Variants in RALGPS1 observed in about 807,000 individuals in gnomAD.
RALGPS1 encodes Ral GEF with PH domain and SH3 binding motif 1.
In RALGPS1, 19 loss-of-function variants were observed where a neutral mutation model predicts 78.8. That is an observed-to-expected ratio of 0.24 (90% CI 0.17 to 0.35). The LOEUF (loss-of-function observed/expected upper bound fraction) is 0.35, where lower values mean the gene tolerates loss of function less well. Ranked by LOEUF, RALGPS1 falls within the 10% of genes least tolerant of loss-of-function variation. The pLI, the probability that RALGPS1 is intolerant of heterozygous loss-of-function variation, is 1.00. For missense variants in RALGPS1, 454 were observed against 688.3 expected, an observed-to-expected ratio of 0.66 and a Z score of 3.81; for synonymous variants, 228 against 256.3, an observed-to-expected ratio of 0.89 and a Z score of 1.06.
At chr9:126,925,992 T>A (rs553942638) in intron 1 of RALGPS1, among the ~76,000 whole-genome samples, 3 of 152,340 alleles carry the variant, frequency 2.0e-5, no homozygotes, top group African/African-American at 7.2e-5. Flanking sequence ...CATGTTCTGG[T>A]CATGGCCTTG....
chr9:127,107,260 AG>A (rs2054307532), intron 8 of RALGPS1, among the ~76,000 whole-genome samples: 1 of 152,240 alleles, frequency 6.6e-6, no homozygotes, highest in Admixed American at 6.5e-5. Context: ...GTCCGGTGCC[AG>A]TATCTTGGTT....
chr9:126,921,307 C>T (rs983746862), intron 1 of RALGPS1, among the ~76,000 whole-genome samples: 2 of 152,212 alleles, frequency 1.3e-5, no homozygotes, highest in East Asian at 3.8e-4. Context: ...TATTATGGCT[C>T]CAGGGCTATA....
intron 8 of RALGPS1, chr9:127,108,449 C>T: frequency 6.2e-7 from 1 of 1,611,010 alleles, no homozygotes; most frequent in Non-Finnish European, 8.5e-7. Context: ...TTGAGCAGCT[C>T]ATTGTTGAGC....
chr9:126,964,952 C>T (rs558463312), intron 2 of RALGPS1, among the ~76,000 whole-genome samples: 59 of 152,320 alleles, frequency 3.9e-4, no homozygotes, highest in African/African-American at 1.3e-3. Context: ...AATCCTTCTT[C>T]GTGAGCTGAG....
chr9:126,955,066 TA>T (rs1454456487), intron 1 of RALGPS1, among the ~76,000 whole-genome samples: 1 of 152,240 alleles, frequency 6.6e-6, no homozygotes, highest in Non-Finnish European at 1.5e-5. Context: ...GCCTCCTTCC[TA>T]AGGTTTCAGC....
At chr9:126,987,884 C>T (rs915731537) in intron 4 of RALGPS1, among the ~76,000 whole-genome samples, 6 of 152,080 alleles carry the variant, frequency 3.9e-5, no homozygotes, top group African/African-American at 7.2e-5. Context: ...AGGGGTGGGG[C>T]GCTAGCGTAT....
At position 127,166,533 on chromosome 9, in the gene RALGPS1, C is replaced by G. The variant is rs578193382; in HGVS notation, c.748+327C>G. On this transcript the variant is annotated intron_variant, in intron 9 of 18. Transcript: ENST00000259351. ...CATTCATGAAGAGCTTTCTGGGCAG[C>G]TCTCCTCCAAGCAGATTCGGGGACC... Among the ~76,000 whole-genome samples, 8 of 152,246 alleles carry G rather than the reference C, an allele frequency of 5.3e-5. No individual in the cohort carries two copies. The East Asian group carries it at 1.5e-3, about 29-fold the overall frequency.
intron 4 of RALGPS1, among the ~76,000 whole-genome samples, chr9:126,980,769 GCCCTGACCCTAGAGCTCAAGCTCTC>G (rs2041174135): frequency 6.6e-6 from 1 of 152,210 alleles, no homozygotes. Flanking sequence ...GCCTGTCTGA[GCCCTGACCCTAGAGCTCAAGCTCTC>G]AGCCCCTGTT....
intron 4 of RALGPS1, among the ~76,000 whole-genome samples, chr9:127,011,170 AC>A (rs928073137): frequency 6.8e-6 from 1 of 147,142 alleles, no homozygotes; most frequent in African/African-American, 2.5e-5. Context: ...AGAGCCCACC[AC>A]CCCCCAGCCC....
Position 127,199,520 on chromosome 9 carries a change from GCCTCTGCCTCCCTCGAGGATC to G in RALGPS1, c.1247+521_1247+541del, listed in dbSNP as rs71377989. On this transcript the variant is annotated intron_variant, in intron 14 of 18. Coordinates refer to ENST00000259351, the MANE Select transcript of RALGPS1 (RefSeq NM_014636.3). ...CACTGGTGACAGGGAAGTGGCCATA[GCCTCTGCCTCCCTCGAGGATC>G]CCTCTGCCTCCCTCGAGGATCCCTC... Among the ~76,000 whole-genome samples, 979 of 93,536 alleles carry G rather than the reference GCCTCTGCCTCCCTCGAGGATC, an allele frequency of 0.01. 24 individuals are homozygous for G. The East Asian group carries it at 0.12, about 11-fold the overall frequency. 61.4% of individuals were successfully genotyped at this position (93,536 alleles called of 152,430 possible). A position where few individuals can be genotyped will look rare whatever the true frequency, so the allele number is the denominator to read the frequency against.
chr9:126,941,792 A>G (rs760643196), intron 1 of RALGPS1, among the ~76,000 whole-genome samples: 18 of 152,178 alleles, frequency 1.2e-4, no homozygotes, highest in Non-Finnish European at 2.5e-4. Context: ...CTTTTTATCT[A>G]CCACTTAGTA....
At chr9:126,948,743 C>T (rs2037516344) in intron 1 of RALGPS1, among the ~76,000 whole-genome samples, 1 of 151,946 alleles carries the variant, frequency 6.6e-6, no homozygotes, top group Non-Finnish European at 1.5e-5. Flanking sequence ...GCTCCGTAAA[C>T]ATAGGCGCTT....
intron 11 of RALGPS1, among the ~76,000 whole-genome samples, chr9:127,187,425 GC>G (rs1291503989): frequency 2.6e-5 from 4 of 152,246 alleles, no homozygotes; most frequent in Non-Finnish European, 1.5e-5. Flanking sequence ...CCTGCCTCCA[GC>G]GTGCAGTAGC....
intron 4 of RALGPS1, among the ~76,000 whole-genome samples, chr9:127,000,018 T>G (rs1245817352): frequency 6.6e-6 from 1 of 152,212 alleles, no homozygotes; most frequent in African/African-American, 2.4e-5. Flanking sequence ...TATTCCCTTT[T>G]TATTCTTTTA....
rs747249739 is a variant in RALGPS1 at position 127,212,667 on chromosome 9, C to T, written c.1394C>T (p.Ser465Phe). ...AGGTACTGGGTCATACTCTCAGGAT[C>T]CACCCTCCTGTACTACGGAGCCAAG... is the stretch of plus-strand genomic sequence containing the variant. ...WTRYWVILSG[S>F]TLLYYGAKSL... The change falls in exon 16 of 19, where the codon TCC becomes TTC. Residue 465 changes from serine to phenylalanine, a missense_variant. Transcript: ENST00000259351. The surrounding 1 kb of genome is among the most constrained non-coding windows in gnomAD (Gnocchi z 6.0). 9 of 1,613,350 alleles carry T rather than the reference C, an allele frequency of 5.6e-6. No individual in the cohort carries two copies. The highest frequency in any genetic ancestry group is 6.8e-6 in the Non-Finnish European group (8 of 1,179,636).
intron 1 of RALGPS1, among the ~76,000 whole-genome samples, chr9:126,951,769 A>C (rs1179374824): frequency 6.6e-6 from 1 of 152,248 alleles, no homozygotes; most frequent in Non-Finnish European, 1.5e-5. Context: ...CAAGACAGTG[A>C]TGCCCTCTCT....
intron 3 of RALGPS1, among the ~76,000 whole-genome samples, chr9:126,977,216 C>A (rs1426115227): frequency 6.6e-6 from 1 of 152,128 alleles, no homozygotes; most frequent in Non-Finnish European, 1.5e-5. Context: ...AATTTAGGGG[C>A]AGTATCAATG....
At chr9:127,182,041 A>G (rs891630886) in intron 11 of RALGPS1, among the ~76,000 whole-genome samples, 2 of 151,716 alleles carry the variant, frequency 1.3e-5, no homozygotes, top group African/African-American at 2.4e-5. Context: ...TCCCCTGCAG[A>G]TCTCATGTTT....
chr9:126,983,601 A>G (rs1283834373), intron 4 of RALGPS1, among the ~76,000 whole-genome samples: 2 of 152,164 alleles, frequency 1.3e-5, no homozygotes, highest in South Asian at 2.1e-4. Context: ...AACAAAACCC[A>G]CTAATAGCAG....
Sources: gnomAD v4.1 joint callset for allele counts (sites outside exome capture counted in the v4.1 genomes callset) on GRCh38, gnomAD v4.1.1 for gene constraint, Gnocchi (gnomAD v3.1) non-coding constraint, MANE v1.5 for transcripts, NCBI Gene and HGNC (gene_info 2026-07-23, HGNC 2026-07-21) for gene names.